KAZN: variants seen among roughly 807,000 people sequenced by gnomAD.
KAZN encodes kazrin.
Under a neutral mutation model 87.4 loss-of-function variants are expected in KAZN, and 40 were observed. The observed-to-expected ratio is 0.46, with a 90% confidence interval of 0.36 to 0.60. KAZN has a LOEUF of 0.60. Among genes scored for constraint, KAZN ranks in the 20% least tolerant of loss-of-function variants. The pLI, the probability that KAZN is intolerant of heterozygous loss-of-function variation, is 0.00. For missense variants in KAZN, 898 were observed against 1,073.9 expected, an observed-to-expected ratio of 0.84 and a Z score of 2.29; for synonymous variants, 466 against 458.3, an observed-to-expected ratio of 1.02 and a Z score of -0.22.
chr1:14,305,377 A>G (rs1044685343), intron 2 of KAZN, among the ~76,000 whole-genome samples: 1 of 152,184 alleles, frequency 6.6e-6, no homozygotes, highest in African/African-American at 2.4e-5. Flanking sequence ...ACATGTATAC[A>G]CTTGCATTTT....
chr1:14,131,666 A>G (rs1644995104), intron 1 of KAZN, among the ~76,000 whole-genome samples: 1 of 152,096 alleles, frequency 6.6e-6, no homozygotes, highest in African/African-American at 2.4e-5. Flanking sequence ...TGGAGTAGAA[A>G]AAATCCCCTC....
chr1:14,732,603 C>T (rs1447450820), intron 1 of KAZN, among the ~76,000 whole-genome samples: 1 of 152,194 alleles, frequency 6.6e-6, no homozygotes, highest in Non-Finnish European at 1.5e-5. Flanking sequence ...TGCACCACTA[C>T]ACTCCAGCCT....
intron 1 of KAZN, among the ~76,000 whole-genome samples, chr1:14,803,178 G>A (rs1646096061): frequency 8.0e-6 from 1 of 125,270 alleles, no homozygotes; most frequent in Non-Finnish European, 1.6e-5. Flanking sequence ...CATCTGCGCA[G>A]TGTCTGCTGA....
At chr1:14,819,269 A>G (rs909174737) in intron 1 of KAZN, among the ~76,000 whole-genome samples, 1 of 152,150 alleles carries the variant, frequency 6.6e-6, no homozygotes, top group Non-Finnish European at 1.5e-5. Context: ...AAAAAGCCAA[A>G]TCCTCGAGCT....
chr1:15,037,846 G>A (rs12130705), intron 3 of KAZN, among the ~76,000 whole-genome samples: 32,217 of 151,944 alleles, frequency 0.21, 3,601 homozygotes, highest in Non-Finnish European at 0.25. Context: ...GTGCAGAAAG[G>A]AACCCAGACA....
chr1:14,958,273 A>G (rs948130379), intron 1 of KAZN, among the ~76,000 whole-genome samples: 1 of 152,208 alleles, frequency 6.6e-6, no homozygotes, highest in African/African-American at 2.4e-5. Flanking sequence ...CTCTGTGTAC[A>G]TGGCATTCAC....
At chr1:14,778,665 T>C (rs1304394494) in intron 1 of KAZN, among the ~76,000 whole-genome samples, 1 of 152,240 alleles carries the variant, frequency 6.6e-6, no homozygotes, top group Admixed American at 6.5e-5. Flanking sequence ...TCACAGGTAC[T>C]GGTTATCCAG....
intron 1 of KAZN, among the ~76,000 whole-genome samples, chr1:14,177,563 C>G (rs1646106412): frequency 6.6e-6 from 1 of 152,106 alleles, no homozygotes; most frequent in African/African-American, 2.4e-5. Context: ...AAGTTTTTTG[C>G]TTTCAGTACT....
At chr1:14,261,647 G>A (rs1651026306) in intron 2 of KAZN, among the ~76,000 whole-genome samples, 1 of 152,200 alleles carries the variant, frequency 6.6e-6, no homozygotes, top group South Asian at 2.1e-4. Context: ...GGGGGTGGAA[G>A]GTGCTGAGGA....
At chr1:13,944,248 C>T (rs963749042) in intron 1 of KAZN, among the ~76,000 whole-genome samples, 5 of 152,132 alleles carry the variant, frequency 3.3e-5, no homozygotes, top group African/African-American at 4.8e-5. Context: ...AAATAGCACG[C>T]GACGTGAAAG....
chr1:14,287,223 C>T (rs1179976918), intron 2 of KAZN, among the ~76,000 whole-genome samples: 1 of 152,146 alleles, frequency 6.6e-6, no homozygotes, highest in Non-Finnish European at 1.5e-5. Context: ...ATACTGTAGG[C>T]TGGTTCACCC....
At chr1:14,920,621 G>A (rs1462193050) in intron 1 of KAZN, among the ~76,000 whole-genome samples, 2 of 152,258 alleles carry the variant, frequency 1.3e-5, no homozygotes, top group African/African-American at 4.8e-5. Context: ...TCTCCTGGAA[G>A]TAGAACTGGC....
At chr1:14,652,065 A>G (rs774218178) in intron 1 of KAZN, among the ~76,000 whole-genome samples, 4 of 152,240 alleles carry the variant, frequency 2.6e-5, no homozygotes, top group Non-Finnish European at 5.9e-5. Flanking sequence ...TACAGGGCAG[A>G]TCACCAGGCC....
chr1:14,747,765 CT>C (rs1644301827), intron 1 of KAZN, among the ~76,000 whole-genome samples: 1 of 152,142 alleles, frequency 6.6e-6, no homozygotes, highest in Non-Finnish European at 1.5e-5. Flanking sequence ...CTATATTTAA[CT>C]TTTTGAGAAA....
In KAZN at chr1:14,680,258, C is replaced by T. The variant is rs1018130558; in HGVS notation, c.226+81035C>T. 2.6e-5 allele frequency among the ~76,000 whole-genome samples: 4 copies of T among 152,104 alleles called. No homozygotes were observed. In the East Asian group the frequency reaches 5.8e-4, roughly 22 times the overall value. ...GGTAATTCACACCCCTACCAAGACA[C>T]GGAATCTTTCCCTCATCCTGGAAAA... On this transcript the variant is annotated intron_variant, in intron 1 of 14. Coordinates refer to ENST00000376030, the MANE Select transcript of KAZN (RefSeq NM_201628.3).
At chr1:14,553,577 A>G (rs1229665121) in intron 2 of KAZN, among the ~76,000 whole-genome samples, 1 of 152,186 alleles carries the variant, frequency 6.6e-6, no homozygotes, top group Non-Finnish European at 1.5e-5. Flanking sequence ...CAATGCATGG[A>G]CGTGGCTGGA....
chr1:14,264,200 T>A (rs1053499217), intron 2 of KAZN, among the ~76,000 whole-genome samples: 1 of 152,130 alleles, frequency 6.6e-6, no homozygotes, highest in Non-Finnish European at 1.5e-5. Context: ...TAAACCTAAG[T>A]CTGCTTCTGA....
At chr1:15,001,086 G>A (rs1327146632) in intron 2 of KAZN, among the ~76,000 whole-genome samples, 1 of 149,596 alleles carries the variant, frequency 6.7e-6, no homozygotes, top group Admixed American at 6.6e-5. Flanking sequence ...CTGGGTGACA[G>A]ATGGAGACCT....
intron 1 of KAZN, among the ~76,000 whole-genome samples, chr1:14,036,186 G>A (rs1374003203): frequency 1.3e-5 from 2 of 152,194 alleles, no homozygotes; most frequent in Non-Finnish European, 2.9e-5. Context: ...AGCTGAGGAA[G>A]CTGAGCTGAG....
Sources: allele counts gnomAD v4.1 joint callset (sites outside exome capture counted in the v4.1 genomes callset), GRCh38; gene constraint gnomAD v4.1.1; transcripts MANE v1.5; gene names NCBI Gene and HGNC (gene_info 2026-07-23, HGNC 2026-07-21).